KIF25: variants seen among roughly 807,000 people sequenced by gnomAD.
KIF25 encodes kinesin family member 25.
Under a neutral mutation model 32.9 loss-of-function variants are expected in KIF25, and 19 were observed. The ratio of observed to expected loss-of-function variants is 0.58; its 90% CI spans 0.40 to 0.85. KIF25 has a LOEUF of 0.85. KIF25 is among the 40% of genes least tolerant of loss of function. The pLI is 0.00. For missense variants in KIF25, 485 were observed against 507.0 expected, an observed-to-expected ratio of 0.96 and a Z score of 0.42; for synonymous variants, 225 against 213.7, an observed-to-expected ratio of 1.05 and a Z score of -0.46.
intron 6 of KIF25, 86 bp downstream of exon 6, chr6:168,029,763 T>C: frequency 1.4e-6 from 2 of 1,478,898 alleles, no homozygotes; most frequent in East Asian, 4.6e-5. Context: ...TTCTTTCTAC[T>C]TTTGTATCTT....
At chr6:168,014,447 G>A (rs1323116743) in intron 4 of KIF25, among the ~76,000 whole-genome samples, 1 of 152,176 alleles carries the variant, frequency 6.6e-6, no homozygotes, top group East Asian at 1.9e-4. Context: ...ATTTTATTGG[G>A]ACATTTTGGA....
intron 5 of KIF25, among the ~76,000 whole-genome samples, chr6:168,027,314 G>A (rs932802313): frequency 7.9e-5 from 12 of 152,112 alleles, no homozygotes; most frequent in South Asian, 2.1e-4. Context: ...TTAGCTGGAC[G>A]TGGTGGCACA....
intron 5 of KIF25, among the ~76,000 whole-genome samples, chr6:168,027,857 C>T (rs975050131): frequency 1.6e-4 from 24 of 152,214 alleles, no homozygotes; most frequent in African/African-American, 5.8e-4. Flanking sequence ...GCATTCTTCA[C>T]TTCTCTACAA....
intron 9 of KIF25, among the ~76,000 whole-genome samples, chr6:168,039,823 T>C (rs1799088905): frequency 6.6e-6 from 1 of 152,216 alleles, no homozygotes; most frequent in Admixed American, 6.5e-5. Context: ...TAGCAACCTC[T>C]GATTTTGTTC....
chr6:167,998,670 TCA>T lies in KIF25; in HGVS notation c.-798_-797del, dbSNP rs1375046002. 1 of 152,184 alleles carries T rather than the reference TCA, an allele frequency of 6.6e-6. No homozygotes were observed. The highest frequency in any genetic ancestry group is 1.9e-4 in the East Asian group (1 of 5,192). The allele number at this position is 152,184 out of a possible 1,614,324, so 9.4% of individuals were successfully genotyped here. A position where few individuals can be genotyped will look rare whatever the true frequency, so the allele number is the denominator to read the frequency against. On this transcript the variant is annotated 5_prime_UTR_variant, in exon 1 of 13. An upstream open reading frame in the 5' UTR gains an earlier in-frame stop. Coordinates refer to ENST00000643607, the MANE Select transcript of KIF25 (RefSeq NM_030615.4). ...TAAAATGTCGAGCCCAGGATGCCAT[TCA>T]AAGGGATTTTCCTTGGTACTTATTA...
intron 4 of KIF25, among the ~76,000 whole-genome samples, chr6:168,014,569 C>T (rs901685163): frequency 6.6e-5 from 10 of 152,172 alleles, no homozygotes; most frequent in African/African-American, 2.4e-4. Context: ...CGTTTTGTGA[C>T]CTTGTATCTC....
chr6:168,035,775 T>C (rs774767864), intron 8 of KIF25: 11 of 456,136 alleles, frequency 2.4e-5, no homozygotes, highest in South Asian at 1.7e-4. Flanking sequence ...AATCCCTCAG[T>C]CAGAGTCTCA....
chr6:168,042,645 CT>C lies in KIF25; in HGVS notation c.917del (p.Leu306CysfsTer31). On this transcript the variant is annotated frameshift_variant, in exon 12 of 13. Coordinates refer to ENST00000643607, the MANE Select transcript of KIF25 (RefSeq NM_030615.4). LOFTEE classifies it high-confidence loss of function. The stretch of plus-strand genomic sequence containing the variant: ...GCGGCCCTGGCAGGCGTCCTGGGGG[CT>C]TTGTTGGAGCACCGTGGCCATGCCC... The part of the protein sequence containing the change: ...SLAALAGVLG[A>X]LLEHRGHAPY... 1 of 1,613,850 alleles carries C rather than the reference CT, an allele frequency of 6.2e-7. No homozygotes were observed. Among genetic ancestry groups the C allele is most frequent in the East Asian group, 2.2e-5 (1 of 44,872 alleles).
chr6:168,008,079 A>T (rs1351034841), intron 4 of KIF25, among the ~76,000 whole-genome samples: 1 of 152,166 alleles, frequency 6.6e-6, no homozygotes, highest in Non-Finnish European at 1.5e-5. Context: ...CTACCTTATG[A>T]AGGAATACTG....
chr6:168,037,400 C>T (rs757299278), intron 8 of KIF25, among the ~76,000 whole-genome samples: 2 of 152,200 alleles, frequency 1.3e-5, no homozygotes, highest in Non-Finnish European at 2.9e-5. Context: ...GGACTTCCCG[C>T]CCGGTTCTCA....
At chr6:168,021,316 C>A (rs1798784064) in intron 5 of KIF25, among the ~76,000 whole-genome samples, 2 of 152,176 alleles carry the variant, frequency 1.3e-5, no homozygotes, top group South Asian at 4.1e-4. Flanking sequence ...AATATCTGTC[C>A]CAACATCAAA....
rs1454587896 is a variant in KIF25, at chr6:167,998,721, T to C, written c.-748T>C. On this transcript the variant is annotated 5_prime_UTR_variant, in exon 1 of 13. It removes the in-frame stop codon of an upstream open reading frame in the 5' UTR. Transcript: ENST00000643607. ...TACCAAGGGATACCCCTTTGCCAAG[T>C]GAACACATTTGTGAAGTATGAATCC... The C allele has an allele frequency of 1.3e-5, 2 of 152,150 alleles. No individual in the cohort carries two copies. The highest frequency in any genetic ancestry group is 1.3e-4 in the Admixed American group (2 of 15,278). The allele number at this position is 152,150 out of a possible 1,614,324, so 9.4% of individuals were successfully genotyped here. A position where few individuals can be genotyped will look rare whatever the true frequency, so the allele number is the denominator to read the frequency against.
At chr6:168,014,000 A>AAT (rs56286678) in intron 4 of KIF25, among the ~76,000 whole-genome samples, 22,680 of 148,992 alleles carry the variant, frequency 0.15, 1,680 homozygotes, top group South Asian at 0.17. Context: ...CCACCATGCA[A>AAT]ATATATATAT....
intron 4 of KIF25, among the ~76,000 whole-genome samples, chr6:168,016,557 T>C (rs1798716927): frequency 6.6e-6 from 1 of 152,198 alleles, no homozygotes; most frequent in Admixed American, 6.5e-5. Context: ...GCAAGTGACC[T>C]CCCAGTCTAC....
At chr6:168,024,776 C>T (rs1583136182) in intron 5 of KIF25, among the ~76,000 whole-genome samples, 1 of 151,864 alleles carries the variant, frequency 6.6e-6, no homozygotes, top group East Asian at 1.9e-4. Context: ...GCTGGCTGGG[C>T]ACGGTGGCTC....
chr6:168,041,570 G>C (rs957873186), intron 10 of KIF25, among the ~76,000 whole-genome samples: 1 of 152,180 alleles, frequency 6.6e-6, no homozygotes, highest in Non-Finnish European at 1.5e-5. Flanking sequence ...ACACTACAAA[G>C]ACATTTGCAT....
chr6:168,003,476 AG>A (rs1366387591), intron 3 of KIF25, 137 bp from the exon 4 acceptor site: 2 of 149,468 alleles, frequency 1.3e-5, no homozygotes, highest in Admixed American at 6.6e-5. Context: ...AGAGAAGCAG[AG>A]GGGTGTTTTA....
intron 9 of KIF25, among the ~76,000 whole-genome samples, chr6:168,039,136 AT>A (rs931909235): frequency 2.6e-5 from 4 of 152,182 alleles, no homozygotes; most frequent in Non-Finnish European, 5.9e-5. Flanking sequence ...CACAAAAAAT[AT>A]TTTTTACAAT....
chr6:168,027,324 A>G (rs1798874960), intron 5 of KIF25, among the ~76,000 whole-genome samples: 1 of 151,938 alleles, frequency 6.6e-6, no homozygotes, highest in African/African-American at 2.4e-5. Context: ...GTGGTGGCAC[A>G]CACCTGTAGT....
Sources: allele counts gnomAD v4.1 joint callset (sites outside exome capture counted in the v4.1 genomes callset), GRCh38; gene constraint gnomAD v4.1.1; transcripts MANE v1.5; gene names NCBI Gene and HGNC (gene_info 2026-07-23, HGNC 2026-07-21).